Variants in DDX54 observed in about 807,000 individuals in gnomAD.
DDX54 encodes the protein DEAD-box helicase 54.
A neutral mutation model predicts 105.5 loss-of-function variants in DDX54; 67 were observed. The observed-to-expected ratio is 0.64, with a 90% confidence interval of 0.52 to 0.78. DDX54 has a LOEUF of 0.78. Among genes scored for constraint, DDX54 ranks in the 30% least tolerant of loss-of-function variants. The pLI is 0.00. For synonymous variants in DDX54, 514 were observed against 509.9 expected (o/e 1.01, Z -0.11); for missense variants, 1,206 against 1,230.5 (o/e 0.98, Z 0.30).
intron 1 of DDX54, among the ~76,000 whole-genome samples, chr12:113,184,682 C>G (rs1291740241): frequency 6.6e-6 from 1 of 152,038 alleles, no homozygotes; most frequent in African/African-American, 2.4e-5. Flanking sequence ...AAAAATTATC[C>G]GGGCGTGGTG....
At chr12:113,168,089 C>A (rs151332592) in intron 12 of DDX54, 33 of 381,824 alleles carry the variant, frequency 8.6e-5, no homozygotes, top group East Asian at 7.6e-4. Flanking sequence ...GGCCGCCCCC[C>A]ACCCCGGCCA....
intron 19 of DDX54, among the ~76,000 whole-genome samples, chr12:113,159,441 G>C (rs1414376226): frequency 6.6e-6 from 1 of 152,148 alleles, no homozygotes; most frequent in Admixed American, 6.6e-5. Context: ...GCATTTCCAT[G>C]GTGTAAAGTG....
In DDX54 at chr12:113,165,683, C is replaced by T. The variant is rs765156816; in HGVS notation, c.1680G>A (p.Leu560=). The change falls in exon 14 of 20, where the codon CTG becomes CTA. Residue 560 remains leucine (L), a synonymous_variant. Transcript: ENST00000306014. ...SRFEEEELQR[L]RLVDSIKNYR... is the part of the protein sequence containing the mutation. ...AGTTCTTTATGCTGTCCACCAGCCT[C>T]AGCCGCTGCAGCTCCTCCTCCTCAA... 5 of 1,613,542 alleles carry T rather than the reference C, an allele frequency of 3.1e-6. No homozygotes were observed. In the East Asian group the frequency reaches 8.9e-5, roughly 29 times the overall value.
At chr12:113,161,194 T>TGC in intron 19 of DDX54, 76 bp downstream of exon 19, 1 of 1,205,220 alleles carries the variant, frequency 8.3e-7, no homozygotes, top group Non-Finnish European at 1.2e-6. Flanking sequence ...CCTGCACCTG[T>TGC]GCCTCAGCGT....
chr12:113,180,550 C>T (rs76111001), intron 2 of DDX54, among the ~76,000 whole-genome samples: 3,843 of 152,312 alleles, frequency 0.025, 87 homozygotes, highest in African/African-American at 0.059. Flanking sequence ...TATTTAAATC[C>T]TTGCTCCAGC....
At chr12:113,171,451 A>C (rs982347590) in intron 11 of DDX54, among the ~76,000 whole-genome samples, 4 of 152,030 alleles carry the variant, frequency 2.6e-5, no homozygotes, top group Non-Finnish European at 5.9e-5. Context: ...AAAAACACAA[A>C]AAATTAGCTG....
At chr12:113,182,328 G>C (rs1414968280) in intron 1 of DDX54, among the ~76,000 whole-genome samples, 1 of 152,180 alleles carries the variant, frequency 6.6e-6, no homozygotes, top group Non-Finnish European at 1.5e-5. Context: ...GTCTTGAACA[G>C]TCTGTGAGTT....
Position 113,176,355 on chromosome 12 carries a change from G to A in DDX54, c.752+485C>T, listed in dbSNP as rs577327078. 5.9e-5 allele frequency among the ~76,000 whole-genome samples: 9 copies of A among 152,094 alleles called. No homozygotes were observed. In the South Asian group the frequency reaches 1.9e-3, roughly 32 times the overall value. ...GGCCGAGGCGGGTGGATCACCTGAG[G>A]TCAGGAGTTTAAGACCAGCCTGGCC... is the stretch of plus-strand genomic sequence containing the variant. On this transcript the variant is annotated intron_variant, in intron 7 of 19. Coordinates refer to ENST00000306014, the MANE Select transcript of DDX54 (RefSeq NM_024072.4).
chr12:113,169,809 G>C lies in DDX54; in HGVS notation c.1375C>G (p.Arg459Gly), dbSNP rs530528282. ...YLLDLHLFLG[R>G]SLTLARPLKE... ...AGGGGTCGGGCGAGGGTGAGGGAGCGGCCCAGGAACAGGTGCAGATCCAGC... is the reference window on the plus strand; with the variant it reads ...AGGGGTCGGGCGAGGGTGAGGGAGCCGCCCAGGAACAGGTGCAGATCCAGC... The change falls in exon 12 of 20, where the codon CGC (arginine) becomes GGC (glycine). Residue 459 changes from arginine (R) to glycine (G), a missense_variant. Arg to Gly is a moderately radical substitution (Grantham distance 125, BLOSUM62 -2). Around this residue, in one of 3 missense-constraint regions of DDX54, gnomAD observed 961 missense variants for 1,019.1 expected, o/e 0.94. Coordinates refer to ENST00000306014, the MANE Select transcript of DDX54 (RefSeq NM_024072.4). The C allele has an allele frequency of 1.9e-6, 3 of 1,614,038 alleles. No homozygotes were observed. Among genetic ancestry groups the C allele is most frequent in the Non-Finnish European group, 2.5e-6 (3 of 1,179,994 alleles).
intron 5 of DDX54, 95 bp from the exon 6 acceptor site, chr12:113,177,188 C>G (rs1377398450): frequency 2.3e-5 from 34 of 1,447,620 alleles, no homozygotes; most frequent in Non-Finnish European, 3.2e-5. Context: ...CACCCCATCC[C>G]CAGGAACACA....
chr12:113,174,526 C>A, intron 10 of DDX54, 114 bp downstream of exon 10: 2 of 1,426,292 alleles, frequency 1.4e-6, no homozygotes, highest in Non-Finnish European at 9.4e-7. Context: ...CCATCTTGAG[C>A]CCAGGCCCAG....
chr12:113,178,107 C>T (rs1441644952), intron 5 of DDX54, among the ~76,000 whole-genome samples: 2 of 152,026 alleles, frequency 1.3e-5, no homozygotes, highest in African/African-American at 4.8e-5. Context: ...CATGGTGGTG[C>T]ACACCTGTAG....
rs1952163593 is a variant in DDX54 at position 113,158,483 on chromosome 12, T to G, written c.*394A>C. ...CAGTTCCCCAAGTAGACCGCACTCCTGGCCACCAGCAGTGCTCAATAAAGA... is the reference window on the plus strand; with the variant it reads ...CAGTTCCCCAAGTAGACCGCACTCCGGGCCACCAGCAGTGCTCAATAAAGA... On this transcript the variant is annotated 3_prime_UTR_variant, in exon 20 of 20. Coordinates refer to ENST00000306014, the MANE Select transcript of DDX54 (RefSeq NM_024072.4). This position sits in a 1 kb window ranked among gnomAD's most constrained non-coding sequence, Gnocchi z 4.9. The G allele has an allele frequency of 5.9e-6, 1 of 169,162 alleles. No homozygotes were observed. Among genetic ancestry groups the G allele is most frequent in the Admixed American group, 6.4e-5 (1 of 15,712 alleles). The allele number at this position is 169,162 out of a possible 1,614,324, so 10.5% of individuals were successfully genotyped here.
At chr12:113,175,250 G>A (rs1952390065) in intron 7 of DDX54, 93 bp from the exon 8 acceptor site, 2 of 1,477,004 alleles carry the variant, frequency 1.4e-6, no homozygotes, top group Non-Finnish European at 1.8e-6. Context: ...CTTCTGCAGT[G>A]TCCCAGGGCT....
At chr12:113,161,585 T>A in intron 18 of DDX54, 2 of 520,376 alleles carry the variant, frequency 3.8e-6, no homozygotes, top group Admixed American at 3.5e-5. Flanking sequence ...TCCCACTTAT[T>A]GGAGATGCCG....
At position 113,177,069 on chromosome 12, in the gene DDX54, C is replaced by A; in HGVS notation, c.639G>T (p.Leu213=). ...AAACTCACATGTCGGGATTTTCGTG[C>A]AGGGCTGCAAACTGGTCTTCCATCC... ...GDRMEDQFAA[L]HENPDIIIAT... is the part of the protein sequence containing the mutation. Residue 213 remains leucine (L), a synonymous_variant, in exon 6 of 20, where the codon CTG becomes CTT. Coordinates refer to ENST00000306014, the MANE Select transcript of DDX54 (RefSeq NM_024072.4). 1 of 1,614,102 alleles carries A rather than the reference C, an allele frequency of 6.2e-7. No homozygotes were observed.
At chr12:113,160,142 A>C (rs985201287) in intron 19 of DDX54, among the ~76,000 whole-genome samples, 4 of 152,146 alleles carry the variant, frequency 2.6e-5, no homozygotes, top group South Asian at 2.1e-4. Flanking sequence ...GGTGGTCCCC[A>C]CCCAGCCATG....
Position 113,161,349 on chromosome 12 carries a change from A to T in DDX54, c.2334T>A (p.Asp778Glu), listed in dbSNP as rs1361003355. ...YQKWKQKQKI[D>E]DRDSDEEGAS... ...CCCCTTCTTCGTCCGAGTCACGATCATCAATTTTCTGTTTCTGTTTCCACT... is the reference window on the plus strand; with the variant it reads ...CCCCTTCTTCGTCCGAGTCACGATCTTCAATTTTCTGTTTCTGTTTCCACT... Residue 778 changes from aspartate to glutamate, a missense_variant, in exon 19 of 20, where the codon GAT (aspartate) becomes GAA (glutamate). Physicochemically the swap from Asp to Glu is conservative, Grantham distance 45. Around this residue, in one of 3 missense-constraint regions of DDX54, gnomAD observed 961 missense variants for 1,019.1 expected, o/e 0.94. Coordinates refer to ENST00000306014, the MANE Select transcript of DDX54 (RefSeq NM_024072.4). 2 of 1,613,274 alleles carry T rather than the reference A, an allele frequency of 1.2e-6. No individual in the cohort carries two copies. Among genetic ancestry groups the T allele is most frequent in the Middle Eastern group, 1.7e-4 (1 of 6,060 alleles).
chr12:113,160,411 T>A (rs1194463761), intron 19 of DDX54, among the ~76,000 whole-genome samples: 1 of 152,180 alleles, frequency 6.6e-6, no homozygotes, highest in African/African-American at 2.4e-5. Context: ...ATAGCCCTCA[T>A]AAGGCACCTG....
Sources: gnomAD v4.1 joint callset for allele counts (sites outside exome capture counted in the v4.1 genomes callset) on GRCh38, gnomAD v4.1.1 for gene constraint, gnomAD v4.1.1 regional missense constraint, Gnocchi (gnomAD v3.1) non-coding constraint, MANE v1.5 for transcripts, NCBI Gene and HGNC (gene_info 2026-07-23, HGNC 2026-07-21) for gene names.